Variants in MAPK7 observed in about 807,000 individuals in gnomAD.
MAPK7 encodes BMK-1.
A neutral mutation model predicts 56.9 loss-of-function variants in MAPK7; 30 were observed. The ratio of observed to expected loss-of-function variants is 0.53; its 90% CI spans 0.39 to 0.72. The LOEUF is 0.72. Among genes scored for constraint, MAPK7 ranks in the 30% least tolerant of loss-of-function variants. The pLI, the probability that MAPK7 is intolerant of heterozygous loss-of-function variation, is 0.00. For missense variants in MAPK7, 952 were observed against 1,110.8 expected (o/e 0.86, Z 2.03); for synonymous variants, 516 against 449.3 (o/e 1.15, Z -1.88).
chr17:19,378,169 G>A (rs923906823), upstream of MAPK7: 15 of 979,746 alleles, frequency 1.5e-5, no homozygotes, highest in African/African-American at 1.7e-5. The surrounding 1 kb of genome is among the most constrained non-coding windows in gnomAD (Gnocchi z 5.4). Context: ...AGCTGTGATT[G>A]GCCGGATGAG....
chr17:19,378,802 A>G lies in MAPK7; in HGVS notation c.-5-94A>G. On this transcript the variant is annotated intron_variant, in intron 1 of 6. Transcript: ENST00000395604. This position sits in a 1 kb window ranked among gnomAD's most constrained non-coding sequence, Gnocchi z 5.4. ...CGCTTCTGCCCTTGTCGGTTTAGGA[A>G]ACTGGGAAGTTCCCTGGTCCTGCTC... 1.2e-5 allele frequency: 16 copies of G among 1,323,790 alleles called. No homozygotes were observed. Among genetic ancestry groups the G allele is most frequent in the Non-Finnish European group, 1.6e-5 (16 of 981,608 alleles). The allele number at this position is 1,323,790 out of a possible 1,614,324, so 82.0% of individuals were successfully genotyped here.
In MAPK7 at chr17:19,381,188, ATGC is replaced by A; in HGVS notation, c.983_985del (p.Leu328del). ...CCAGGCCCTATCACTGCTGGGTCGC[ATGC>A]TGCGTTTTGAGCCCAGCGCTCGCAT... On this transcript the variant is annotated inframe_deletion, in exon 4 of 7. Coordinates refer to ENST00000395604, the MANE Select transcript of MAPK7 (RefSeq NM_002749.4). The surrounding 1 kb of genome is among the most constrained non-coding windows in gnomAD (Gnocchi z 4.6). 6.2e-7 allele frequency: 1 copy of A among 1,614,134 alleles called. No individual in the cohort carries two copies. The highest frequency in any genetic ancestry group is 1.1e-5 in the South Asian group (1 of 91,082).
At position 19,382,357 on chromosome 17, in the gene MAPK7, C is replaced by T. The variant is rs1269665066; in HGVS notation, c.2054C>T (p.Pro685Leu). The T allele has an allele frequency of 1.9e-6, 3 of 1,613,432 alleles. No individual in the cohort carries two copies. The highest frequency in any genetic ancestry group is 2.5e-6 in the Non-Finnish European group (3 of 1,180,034). Residue 685 changes from proline to leucine, a missense_variant, in exon 5 of 7, where the codon CCT becomes CTT. Pro to Leu is a moderately conservative substitution (Grantham distance 98). This residue lies in a region of MAPK7 where 234 missense variants were observed against 210.4 expected (regional missense o/e 1.11). Transcript: ENST00000395604. ...LPGSSTPGVLPYFPPGLPPPD... is the reference protein window; with the variant it reads ...LPGSSTPGVLLYFPPGLPPPD... ...GGCTCCAGCACCCCAGGAGTTTTGC[C>T]TTACTTCCCACCTGGCCTGCCGCCC... is the stretch of plus-strand genomic sequence containing the variant.
rs767848284 is a variant in MAPK7 at position 19,379,059 on chromosome 17, C to G, written c.159C>G (p.Asp53Glu). 1.7e-5 allele frequency: 28 copies of G among 1,614,128 alleles called. No individual in the cohort carries two copies. The South Asian group carries it at 2.5e-4, about 15-fold the overall frequency. Residue 53 changes from aspartate (D) to glutamate (E), a missense_variant, in exon 2 of 7, where the codon GAC becomes GAG. Physicochemically the swap from Asp to Glu is conservative, Grantham distance 45. This residue lies in a region of MAPK7 where 213 missense variants were observed against 243.2 expected (regional missense o/e 0.88). Coordinates refer to ENST00000395604, the MANE Select transcript of MAPK7 (RefSeq NM_002749.4). The part of the protein sequence containing the change: ...RSFDVTFDVG[D>E]EYEIIETIGN... ...TCGATGTGACCTTTGACGTGGGCGA[C>G]GAGTACGAGATCATCGAGACCATAG...
chr17:19,379,928 T>C lies in MAPK7; in HGVS notation c.379T>C (p.Tyr127His). Reference sequence around the variant, plus strand: ...GGACATCCTGAGGCCCACCGTGCCCTATGGCGAATTCAAATCTGTGTAAGA... The same window carrying C: ...GGACATCCTGAGGCCCACCGTGCCCCATGGCGAATTCAAATCTGTGTAAGA... ...IKDILRPTVP[Y>H]GEFKSVYVVL... The change falls in exon 3 of 7, where the codon TAT becomes CAT. Residue 127 changes from tyrosine (Y) to histidine (H), a missense_variant. Around this residue, in one of 5 missense-constraint regions of MAPK7, gnomAD observed 213 missense variants for 243.2 expected, o/e 0.88. Coordinates refer to ENST00000395604, the MANE Select transcript of MAPK7 (RefSeq NM_002749.4). 6.2e-7 allele frequency: 1 copy of C among 1,613,986 alleles called. No homozygotes were observed. Among genetic ancestry groups the C allele is most frequent in the Non-Finnish European group, 8.5e-7 (1 of 1,179,926 alleles).
intron 2 of MAPK7, chr17:19,379,459 G>A (rs1912441767): frequency 5.4e-6 from 3 of 556,436 alleles, no homozygotes; most frequent in South Asian, 4.3e-5. Flanking sequence ...TGGTGGGATG[G>A]GTGAGGTCTG....
At chr17:19,378,298 T>G (rs1159681856), upstream of MAPK7, 25 of 987,498 alleles carry the variant, frequency 2.5e-5, no homozygotes, top group Non-Finnish European at 2.9e-5. The surrounding 1 kb of genome is among the most constrained non-coding windows in gnomAD (Gnocchi z 5.4). Flanking sequence ...AGCACACCCC[T>G]GCGAAGTGCC....
In MAPK7 at chr17:19,380,772, TATTGGTGAATGAGAACTGTGAGCTCAAG is replaced by T; in HGVS notation, c.572_599del (p.Asn191ThrfsTer19). 1 of 1,613,936 alleles carries T rather than the reference TATTGGTGAATGAGAACTGTGAGCTCAAG, an allele frequency of 6.2e-7. No homozygotes were observed. The highest frequency in any genetic ancestry group is 2.2e-5 in the East Asian group (1 of 44,862). On this transcript the variant is annotated frameshift_variant, in exon 4 of 7. Transcript: ENST00000395604. LOFTEE classifies it high-confidence loss of function. ...CACCGTGACCTGAAGCCCTCCAACC[TATTGGTGAATGAGAACTGTGAGCTCAAG>T]ATTGGTGACTTTGGTATGGCTCGTG...
At chr17:19,379,170 C>T (rs1052943323) in intron 2 of MAPK7, 38 bp downstream of exon 2, 3 of 1,578,566 alleles carry the variant, frequency 1.9e-6, no homozygotes, top group Non-Finnish European at 2.6e-6. Context: ...GATGTGGCAG[C>T]GTCGCAGGGA....
chr17:19,380,933 G>A lies in MAPK7; in HGVS notation c.724G>A (p.Ala242Thr). The A allele has an allele frequency of 6.2e-7, 1 of 1,614,188 alleles. No homozygotes were observed. The highest frequency in any genetic ancestry group is 8.5e-7 in the Non-Finnish European group (1 of 1,180,034). The change falls in exon 4 of 7, where the codon GCT becomes ACT. Residue 242 changes from alanine to threonine, a missense_variant. Transcript: ENST00000395604. ...GCTCTCTTTGCATGAGTATACACAG[G>A]CTATTGACCTCTGGTCTGTGGGCTG... ...LMLSLHEYTQ[A>T]IDLWSVGCIF...
Position 19,380,162 on chromosome 17 carries a change from T to A in MAPK7, c.398+215T>A, listed in dbSNP as rs1912527895. ...TTTACAGTTTTATAGAATCTTAGTA[T>A]ATAGGATGTCAAATGTAGGACATTC... On this transcript the variant is annotated intron_variant, in intron 3 of 6. Transcript: ENST00000395604. 5 of 596,480 alleles carry A rather than the reference T, an allele frequency of 8.4e-6. No homozygotes were observed. In the South Asian group the frequency reaches 1.1e-4, roughly 13 times the overall value. 36.9% of individuals were successfully genotyped at this position (596,480 alleles called of 1,614,324 possible).
Position 19,380,918 on chromosome 17 carries a change from C to G in MAPK7, c.709C>G (p.His237Asp). 1 of 1,614,216 alleles carries G rather than the reference C, an allele frequency of 6.2e-7. No individual in the cohort carries two copies. Among genetic ancestry groups the G allele is most frequent in the Non-Finnish European group, 8.5e-7 (1 of 1,180,046 alleles). The change falls in exon 4 of 7, where the codon CAT becomes GAT. Residue 237 changes from histidine (H) to aspartate (D), a missense_variant. His to Asp is a moderately conservative substitution (Grantham distance 81). Transcript: ENST00000395604. ...YRAPELMLSLHEYTQAIDLWS... is the reference protein window; with the variant it reads ...YRAPELMLSLDEYTQAIDLWS... The stretch of plus-strand genomic sequence containing the variant: ...TGCGCCCGAGCTCATGCTCTCTTTG[C>G]ATGAGTATACACAGGCTATTGACCT...
In MAPK7 at chr17:19,380,591, C is replaced by T. The variant is rs1206497919; in HGVS notation, c.399-17C>T. On this transcript the variant is annotated splice_polypyrimidine_tract_variant and intron_variant, in intron 3 of 6. Transcript: ENST00000395604. Reference sequence around the variant, plus strand: ...GATCAGGCCAACCCATGCTTCTCTCCTTCCTTCCCCTTCCAGCTACGTGGT... The same window carrying T: ...GATCAGGCCAACCCATGCTTCTCTCTTTCCTTCCCCTTCCAGCTACGTGGT... The T allele has an allele frequency of 2.5e-6, 4 of 1,576,670 alleles. No individual in the cohort carries two copies. In the East Asian group the frequency reaches 9.0e-5, roughly 35 times the overall value.
rs999198607 is a variant in MAPK7, at chr17:19,378,844, G to A, written c.-5-52G>A. 2.8e-6 allele frequency: 4 copies of A among 1,448,136 alleles called. No individual in the cohort carries two copies. Among genetic ancestry groups the A allele is most frequent in the Admixed American group, 2.1e-5 (1 of 48,160 alleles). 89.7% of individuals were successfully genotyped at this position (1,448,136 alleles called of 1,614,324 possible). On this transcript the variant is annotated intron_variant, in intron 1 of 6. Transcript: ENST00000395604. The surrounding 1 kb of genome is among the most constrained non-coding windows in gnomAD (Gnocchi z 5.4). Reference sequence around the variant, plus strand: ...GTCCTGCTCCCCAGCCCGCAGAGGGGACACTGAGGCCCACGGTAGGTGGTC... The same window carrying A: ...GTCCTGCTCCCCAGCCCGCAGAGGGAACACTGAGGCCCACGGTAGGTGGTC...
In MAPK7 at chr17:19,382,831, C is replaced by G. The variant is rs777199570; in HGVS notation, c.2182C>G (p.Pro728Ala). The change falls in exon 6 of 7, where the codon CCT becomes GCT. Residue 728 changes from proline to alanine, a missense_variant. By Grantham distance (27) the Pro-to-Ala change is conservative. This residue lies in a region of MAPK7 where 234 missense variants were observed against 210.4 expected (regional missense o/e 1.11). Transcript: ENST00000395604. ...SKSQVEDPLP[P>A]VFSGTPKGSG... ...CCTGCAGGTGGAGGACCCCCTGCCC[C>G]CTGTGTTCTCAGGCACACCAAAGGG... 6.2e-6 allele frequency: 10 copies of G among 1,614,194 alleles called. No individual in the cohort carries two copies. The highest frequency in any genetic ancestry group is 3.3e-4 in the Middle Eastern group (2 of 6,062).
At chr17:19,379,227 C>A in intron 2 of MAPK7, 95 bp downstream of exon 2, 2 of 1,104,968 alleles carry the variant, frequency 1.8e-6, no homozygotes, top group Non-Finnish European at 1.3e-6. Flanking sequence ...AAGCGGGGTG[C>A]GAGTTCTGGC....
In MAPK7 at chr17:19,379,764, C is replaced by CT. The variant is rs762198253; in HGVS notation, c.233-14dup. 2 of 1,612,622 alleles carry CT rather than the reference C, an allele frequency of 1.2e-6. No homozygotes were observed. The highest frequency in any genetic ancestry group is 3.3e-5 in the Admixed American group (2 of 59,888). ...CTCCAAGGTATCCTCTGGTATGTCC[C>CT]TTTTCCCTGCTCCTCAGGCCAGCAG... On this transcript the variant is annotated splice_polypyrimidine_tract_variant and intron_variant, in intron 2 of 6. Coordinates refer to ENST00000395604, the MANE Select transcript of MAPK7 (RefSeq NM_002749.4).
chr17:19,379,813 T>C lies in MAPK7; in HGVS notation c.264T>C (p.Asn88=), dbSNP rs1432110336. 6.2e-7 allele frequency: 1 copy of C among 1,614,240 alleles called. No homozygotes were observed. The highest frequency in any genetic ancestry group is 8.5e-7 in the Non-Finnish European group (1 of 1,180,044). ...AGGTGGCCATCAAGAAGATCCCTAATGCTTTCGATGTGGTGACCAATGCCA... is the reference window on the plus strand; with the variant it reads ...AGGTGGCCATCAAGAAGATCCCTAACGCTTTCGATGTGGTGACCAATGCCA... ...GQQVAIKKIP[N]AFDVVTNAKR... The change falls in exon 3 of 7, where the codon AAT becomes AAC. Residue 88 remains asparagine, a synonymous_variant. Coordinates refer to ENST00000395604, the MANE Select transcript of MAPK7 (RefSeq NM_002749.4).
chr17:19,382,226 C>G lies in MAPK7; in HGVS notation c.1923C>G (p.His641Gln), dbSNP rs1478318422. 7 of 1,611,338 alleles carry G rather than the reference C, an allele frequency of 4.3e-6. No homozygotes were observed. The highest frequency in any genetic ancestry group is 5.9e-6 in the Non-Finnish European group (7 of 1,179,328). Residue 641 changes from histidine (H) to glutamine (Q), a missense_variant, in exon 5 of 7, where the codon CAC (histidine) becomes CAG (glutamine). Physicochemically the swap from His to Gln is conservative, Grantham distance 24 (BLOSUM62 0). Coordinates refer to ENST00000395604, the MANE Select transcript of MAPK7 (RefSeq NM_002749.4). ...PACPPPGPAP[H>Q]PTGPPGPIPV... ...GCCCACCCCCTGGCCCTGCACCCCA[C>G]CCCACTGGCCCTCCTGGGCCCATCC...
Sources: gnomAD v4.1 joint callset for allele counts on GRCh38, gnomAD v4.1.1 for gene constraint, gnomAD v4.1.1 regional missense constraint, Gnocchi (gnomAD v3.1) non-coding constraint, MANE v1.5 for transcripts, NCBI Gene and HGNC (gene_info 2026-07-23, HGNC 2026-07-21) for gene names.